Variants in CERK observed in about 807,000 individuals in gnomAD.
CERK encodes ceramide kinase.
In CERK, 39 loss-of-function variants were observed where a neutral mutation model predicts 63.4. The observed-to-expected ratio is 0.61, with a 90% CI of 0.48 to 0.80. The LOEUF (loss-of-function observed/expected upper bound fraction) is 0.80. Ranked by LOEUF, CERK falls within the 30% of genes least tolerant of loss-of-function variation. CERK has a pLI of 0.00. For missense variants in CERK, 670 were observed against 714.1 expected (o/e 0.94, Z 0.70); for synonymous variants, 302 against 280.0 (o/e 1.08, Z -0.78).
chr22:46,699,615 CTT>C (rs2082773676), intron 7 of CERK, 150 bp from the exon 8 acceptor site: 1 of 693,630 alleles, frequency 1.4e-6, no homozygotes, highest in Non-Finnish European at 2.4e-6. Context: ...GATTCTCTCT[CTT>C]GGGGTGTTGG....
chr22:46,716,963 G>A (rs1369818673), intron 3 of CERK, among the ~76,000 whole-genome samples: 2 of 151,724 alleles, frequency 1.3e-5, no homozygotes, highest in Non-Finnish European at 2.9e-5. Context: ...AAAAAAGAAT[G>A]AAAGAAAGGA....
chr22:46,721,197 G>A (rs1392476353), intron 1 of CERK, among the ~76,000 whole-genome samples, 182 bp from the exon 2 acceptor site: 1 of 152,124 alleles, frequency 6.6e-6, no homozygotes, highest in African/African-American at 2.4e-5. Flanking sequence ...AGGATCGCTT[G>A]AGCTCAGGAG....
chr22:46,691,434 T>G (rs1601708384), intron 11 of CERK, 138 bp downstream of exon 11: 2 of 695,104 alleles, frequency 2.9e-6, no homozygotes, highest in Non-Finnish European at 4.8e-6. Context: ...GAGTTTAAAG[T>G]TTGTGAAATT....
chr22:46,731,040 C>T (rs2082942845), intron 1 of CERK, among the ~76,000 whole-genome samples: 1 of 152,276 alleles, frequency 6.6e-6, no homozygotes, highest in South Asian at 2.1e-4. Context: ...CCTTGAGAGG[C>T]TGTGAGCAGG....
At chr22:46,736,414 C>CCAGCCCCTGCAGAT (rs1381678287) in intron 1 of CERK, among the ~76,000 whole-genome samples, 1 of 152,236 alleles carries the variant, frequency 6.6e-6, no homozygotes. Flanking sequence ...CCAGTCACTT[C>CCAGCCCCTGCAGAT]CAGCCCCTGC....
chr22:46,694,432 T>C (rs552729232), intron 9 of CERK, among the ~76,000 whole-genome samples: 1 of 152,164 alleles, frequency 6.6e-6, no homozygotes. Context: ...GTAGCCACCA[T>C]TGCAGAGCCT....
chr22:46,690,961 GTGTGTGTATATGTATGTA>G (rs1014324485), intron 11 of CERK, among the ~76,000 whole-genome samples: 10 of 151,910 alleles, frequency 6.6e-5, no homozygotes, highest in African/African-American at 1.5e-4. Context: ...ATGTATGTAT[GTGTGTGTATATGTATGTA>G]TGTGTGTATA....
chr22:46,696,842 G>T (rs187242535), intron 8 of CERK, among the ~76,000 whole-genome samples: 11 of 152,122 alleles, frequency 7.2e-5, no homozygotes, highest in Non-Finnish European at 1.3e-4. Flanking sequence ...GAGGGCAAAG[G>T]GGGGGGCCAG....
At chr22:46,710,884 C>A (rs2082837259) in intron 5 of CERK, among the ~76,000 whole-genome samples, 3 of 152,236 alleles carry the variant, frequency 2.0e-5, no homozygotes, top group Admixed American at 2.0e-4. Context: ...CATTCTCGCC[C>A]AGCCCAGCCA....
intron 6 of CERK, among the ~76,000 whole-genome samples, chr22:46,706,351 G>A (rs916865494): frequency 4.6e-5 from 7 of 152,136 alleles, no homozygotes; most frequent in African/African-American, 9.7e-5. Flanking sequence ...AGAGGTCGGC[G>A]GCACACAGGA....
intron 1 of CERK, among the ~76,000 whole-genome samples, chr22:46,733,961 G>A (rs966767112): frequency 1.3e-5 from 2 of 151,936 alleles, no homozygotes; most frequent in African/African-American, 4.8e-5. Flanking sequence ...ACTTGAACCC[G>A]GGAGGTGGAG....
chr22:46,710,460 A>C (rs2082835119), intron 5 of CERK, among the ~76,000 whole-genome samples: 1 of 152,122 alleles, frequency 6.6e-6, no homozygotes, highest in Admixed American at 6.6e-5. Context: ...AATGTAAGTT[A>C]ATAGAATCTC....
chr22:46,702,930 C>A (rs777295847), intron 6 of CERK, among the ~76,000 whole-genome samples: 1 of 152,236 alleles, frequency 6.6e-6, no homozygotes, highest in African/African-American at 2.4e-5. Flanking sequence ...TCCTCATCCA[C>A]CCGGCCAGCA....
At chr22:46,723,707 T>TTC (rs532161882) in intron 1 of CERK, among the ~76,000 whole-genome samples, 1 of 151,942 alleles carries the variant, frequency 6.6e-6, no homozygotes, top group African/African-American at 2.4e-5. Context: ...TGGGGTTTTC[T>TTC]TCTTTTTTTT....
Position 46,711,099 on chromosome 22 carries a change from C to G in CERK, c.556G>C (p.Asp186His), listed in dbSNP as rs149130664. 1.5e-3 allele frequency: 2,412 copies of G among 1,613,352 alleles called. 2 individuals are homozygous for G. Among genetic ancestry groups the G allele is most frequent in the Non-Finnish European group, 1.9e-3 (2,254 of 1,179,438 alleles). Residue 186 changes from aspartate to histidine, a missense_variant, in exon 5 of 13, where the codon GAC becomes CAC. Transcript: ENST00000216264. ...AKETLYEINI[D>H]KYDGIVCVGG... ...CGGCTTACTCACCCGTCGTATTTGT[C>G]TATGTTAATCTCATACAGAGTCTCC...
intron 1 of CERK, among the ~76,000 whole-genome samples, chr22:46,723,721 T>C (rs2082904021): frequency 6.6e-6 from 1 of 151,964 alleles, no homozygotes; most frequent in African/African-American, 2.4e-5. Flanking sequence ...TTTTTTTTTG[T>C]TTTTGAAATG....
chr22:46,697,613 C>G (rs573081904), intron 8 of CERK, among the ~76,000 whole-genome samples: 2 of 152,310 alleles, frequency 1.3e-5, no homozygotes, highest in African/African-American at 4.8e-5. Flanking sequence ...TCAAGCAATT[C>G]TCCTGCCTCA....
chr22:46,737,947 C>T, intron 1 of CERK, 60 bp downstream of exon 1: 1 of 1,124,608 alleles, frequency 8.9e-7, no homozygotes, highest in Non-Finnish European at 1.1e-6. Context: ...AGCCGGGTCC[C>T]CCAAGCCGCC....
chr22:46,689,945 A>C (rs776104300), intron 12 of CERK, 47 bp downstream of exon 12: 1 of 1,471,846 alleles, frequency 6.8e-7, no homozygotes, highest in African/African-American at 1.4e-5. Context: ...CAGACACCTC[A>C]GGGCTCAAGG....
Sources: allele counts gnomAD v4.1 joint callset (sites outside exome capture counted in the v4.1 genomes callset), GRCh38; gene constraint gnomAD v4.1.1; transcripts MANE v1.5; gene names NCBI Gene and HGNC (gene_info 2026-07-23, HGNC 2026-07-21).